Variants in ANO7 observed in about 807,000 individuals in gnomAD.
ANO7 encodes the protein anoctamin 7, also known as anoctamin-7.
Under a neutral mutation model 115.8 loss-of-function variants are expected in ANO7, and 114 were observed. That is an observed-to-expected ratio of 0.98 (90% CI 0.85 to 1.15). ANO7 has a LOEUF of 1.15. Among genes scored for constraint, ANO7 ranks in the 50% most tolerant of loss-of-function variants. The pLI is 0.00. For synonymous variants in ANO7, 550 were observed against 498.2 expected (o/e 1.10, Z -1.38); for missense variants, 1,302 against 1,201.2 (o/e 1.08, Z -1.24).
At chr2:241,221,825 C>T (rs992301522) in intron 21 of ANO7, among the ~76,000 whole-genome samples, 1 of 151,902 alleles carries the variant, frequency 6.6e-6, no homozygotes, top group South Asian at 2.1e-4. Flanking sequence ...TTACAGGTGC[C>T]TGCCACCATG....
At chr2:241,230,976 A>T (rs1226210754), downstream of ANO7, 1 of 1,591,442 alleles carries the variant, frequency 6.3e-7, no homozygotes, top group African/African-American at 1.3e-5. The surrounding 1 kb of genome is among the most constrained non-coding windows in gnomAD (Gnocchi z 5.0). Context: ...AGAAAAGGGG[A>T]TGCCTTACTG....
chr2:241,237,989 G>A, the ANO7 span, among the ~76,000 whole-genome samples: 1 of 152,224 alleles, frequency 6.6e-6, no homozygotes, highest in Admixed American at 6.5e-5. Context: ...CAGGCTGCAG[G>A]GCCACCTGCC....
rs1432862553 is a variant in ANO7, at chr2:241,203,510, C to T, written c.889+12C>T. 4 of 1,455,690 alleles carry T rather than the reference C, an allele frequency of 2.7e-6. No homozygotes were observed. The highest frequency in any genetic ancestry group is 2.8e-5 in the East Asian group (1 of 36,214). 90.2% of individuals were successfully genotyped at this position (1,455,690 alleles called of 1,614,324 possible). Reference sequence around the variant, plus strand: ...CTTCGCCTGGCTCGGTGAGTCCCCCCCGCTGCCCCCCAGACCACCTGGGCC... The same window carrying T: ...CTTCGCCTGGCTCGGTGAGTCCCCCTCGCTGCCCCCCAGACCACCTGGGCC... On this transcript the variant is annotated intron_variant, in intron 9 of 24. Transcript: ENST00000674324. This position sits in a 1 kb window ranked among gnomAD's most constrained non-coding sequence, Gnocchi z 4.8.
chr2:241,207,717 A>G, intron 11 of ANO7, 47 bp downstream of exon 11: 1 of 1,563,098 alleles, frequency 6.4e-7, no homozygotes, highest in Non-Finnish European at 8.8e-7. Context: ...GTCGGGGATG[A>G]GGAGGGCAGC....
At chr2:241,229,690 G>A (rs747022047), downstream of ANO7, 10 of 1,613,910 alleles carry the variant, frequency 6.2e-6, no homozygotes, top group Admixed American at 3.3e-5. Flanking sequence ...TCAGGAGCCT[G>A]TGCAGAGAGA....
chr2:241,205,646 G>A (rs2068576419), intron 10 of ANO7, among the ~76,000 whole-genome samples: 1 of 129,216 alleles, frequency 7.7e-6, no homozygotes, highest in East Asian at 2.6e-4. Context: ...GTGGGCAGGA[G>A]TGCTCCCAGC....
At chr2:241,220,419 G>T (rs2068982409) in intron 21 of ANO7, among the ~76,000 whole-genome samples, 1 of 150,412 alleles carries the variant, frequency 6.6e-6, no homozygotes, top group African/African-American at 2.5e-5. Context: ...TTTTCTGGCT[G>T]GGCATGGTAC....
chr2:241,235,271 G>A, the ANO7 span: 1 of 1,614,058 alleles, frequency 6.2e-7, no homozygotes, highest in Non-Finnish European at 8.5e-7. Context: ...TGAAGAGGGG[G>A]CTGACTTGAC....
chr2:241,205,559 T>G (rs2068573400), intron 10 of ANO7, among the ~76,000 whole-genome samples: 2 of 105,148 alleles, frequency 1.9e-5, no homozygotes, highest in Non-Finnish European at 3.7e-5. Flanking sequence ...TGGACAGGAG[T>G]GCTCCCAGTC....
chr2:241,193,737 T>C (rs2068256959), intron 3 of ANO7, among the ~76,000 whole-genome samples: 1 of 152,222 alleles, frequency 6.6e-6, no homozygotes, highest in South Asian at 2.1e-4. Context: ...GTTTTGTCAG[T>C]TTTGTGTGTT....
chr2:241,218,337 G>GC lies in ANO7; in HGVS notation c.2278dup (p.Arg760ProfsTer22). On this transcript the variant is annotated frameshift_variant, in exon 21 of 25. Coordinates refer to ENST00000674324, the MANE Select transcript of ANO7 (RefSeq NM_001370694.2). LOFTEE classifies it high-confidence loss of function. ...GCGGCTTCCTCAACTTCACGCTGGC[G>GC]CGAGCCCCGTCCTCCTTCGCCGCCG... is the stretch of plus-strand genomic sequence containing the variant. 1 of 1,497,358 alleles carries GC rather than the reference G, an allele frequency of 6.7e-7. No individual in the cohort carries two copies. The highest frequency in any genetic ancestry group is 8.9e-7 in the Non-Finnish European group (1 of 1,129,104). The allele number at this position is 1,497,358 out of a possible 1,614,324, so 92.8% of individuals were successfully genotyped here. A position where few individuals can be genotyped will look rare whatever the true frequency, so the allele number is the denominator to read the frequency against.
At chr2:241,196,560 C>A (rs916100404) in intron 4 of ANO7, among the ~76,000 whole-genome samples, 2 of 152,244 alleles carry the variant, frequency 1.3e-5, no homozygotes, top group African/African-American at 4.8e-5. Context: ...TCATCCCACT[C>A]GGGGTTTCTT....
the ANO7 span, chr2:241,238,795 G>A: frequency 6.8e-7 from 1 of 1,479,264 alleles, no homozygotes; most frequent in Non-Finnish European, 9.1e-7. This position sits in a 1 kb window ranked among gnomAD's most constrained non-coding sequence, Gnocchi z 4.9. Flanking sequence ...TTCCTGGAGG[G>A]AGGTACACAA....
chr2:241,223,151 C>A, intron 21 of ANO7, 35 bp from the exon 22 acceptor site: 2 of 1,596,420 alleles, frequency 1.3e-6, no homozygotes, highest in Non-Finnish European at 1.7e-6. Flanking sequence ...ACACTCAGCC[C>A]TGGCTGCGCG....
chr2:241,227,337 C>T (rs938436601), downstream of ANO7: 1 of 152,524 alleles, frequency 6.6e-6, no homozygotes, highest in Non-Finnish European at 1.5e-5. Context: ...CCAGTGTCAT[C>T]CATATTCATG....
the ANO7 span, chr2:241,235,048 TC>T: frequency 4.9e-5 from 76 of 1,561,968 alleles, no homozygotes; most frequent in Non-Finnish European, 5.8e-5. Flanking sequence ...CTGAAGAACT[TC>T]CCTAGATTCT....
intron 4 of ANO7, among the ~76,000 whole-genome samples, chr2:241,196,347 G>A (rs771700092): frequency 1.1e-4 from 16 of 152,170 alleles, no homozygotes; most frequent in East Asian, 1.9e-4. Flanking sequence ...ACAGGCAGGC[G>A]CAGGTGGGGC....
chr2:241,237,601 A>G, the ANO7 span, among the ~76,000 whole-genome samples: 2 of 152,176 alleles, frequency 1.3e-5, no homozygotes, highest in African/African-American at 4.8e-5. Flanking sequence ...ATTAGATACT[A>G]CTGTTATATA....
chr2:241,231,503 T>G, the ANO7 span, among the ~76,000 whole-genome samples: 1 of 151,894 alleles, frequency 6.6e-6, no homozygotes, highest in African/African-American at 2.4e-5. Context: ...ACATTTGTCC[T>G]CAAAGACAAA....
Sources: allele counts gnomAD v4.1 joint callset (sites outside exome capture counted in the v4.1 genomes callset), GRCh38; gene constraint gnomAD v4.1.1; non-coding constraint Gnocchi (gnomAD v3.1); transcripts MANE v1.5; gene names NCBI Gene and HGNC (gene_info 2026-07-23, HGNC 2026-07-21).